The following DYRK1B variants were observed in gnomAD, a reference collection of about 807,000 sequenced individuals.
DYRK1B encodes dual specificity tyrosine phosphorylation regulated kinase 1B.
DYRK1B carries 20 observed loss-of-function variants against 57.1 expected under a neutral mutation model. The ratio of observed to expected loss-of-function variants is 0.35; its 90% CI spans 0.25 to 0.51. DYRK1B has a LOEUF of 0.51. Among genes scored for constraint, DYRK1B ranks in the 20% least tolerant of loss-of-function variants. The pLI, the probability that DYRK1B is intolerant of heterozygous loss-of-function variation, is 0.96. For synonymous variants in DYRK1B, 409 were observed against 384.7 expected (o/e 1.06, Z -0.74); for missense variants, 732 against 886.3 (o/e 0.83, Z 2.21).
Position 39,826,530 on chromosome 19 carries a change from C to A in DYRK1B, c.1411+142G>T. On this transcript the variant is annotated intron_variant, in intron 9 of 10. Coordinates refer to ENST00000323039, the MANE Select transcript of DYRK1B (RefSeq NM_004714.3). The surrounding 1 kb of genome is among the most constrained non-coding windows in gnomAD (Gnocchi z 6.3). ...GTGATTGTGTCAGGGCCAGTTGGAG[C>A]TCTCCCATCCCACACGTCATCTTAC... 3 of 1,035,378 alleles carry A rather than the reference C, an allele frequency of 2.9e-6. No individual in the cohort carries two copies. The South Asian group carries it at 5.4e-5, about 19-fold the overall frequency. 64.1% of individuals were successfully genotyped at this position (1,035,378 alleles called of 1,614,324 possible). A position where few individuals can be genotyped will look rare whatever the true frequency, so the allele number is the denominator to read the frequency against.
In DYRK1B at chr19:39,826,852, T is replaced by A; in HGVS notation, c.1231A>T (p.Met411Leu). 6.8e-7 allele frequency: 1 copy of A among 1,461,186 alleles called. No individual in the cohort carries two copies. Among genetic ancestry groups the A allele is most frequent in the Non-Finnish European group, 9.0e-7 (1 of 1,109,946 alleles). The allele number at this position is 1,461,186 out of a possible 1,614,324, so 90.5% of individuals were successfully genotyped here. The change falls in exon 9 of 11, where the codon ATG becomes TTG. Residue 411 changes from methionine to leucine, a missense_variant. Physicochemically the swap from Met to Leu is conservative, Grantham distance 15. Transcript: ENST00000323039. This position sits in a 1 kb window ranked among gnomAD's most constrained non-coding sequence, Gnocchi z 6.3. ...YLRFQDLVLR[M>L]LEYEPAARIS... ...CGGGCGGCGGGCTCATACTCCAGCATGCGCAGCACCAGGTCCTGGAAGCGG... is the reference window on the plus strand; with the variant it reads ...CGGGCGGCGGGCTCATACTCCAGCAAGCGCAGCACCAGGTCCTGGAAGCGG...
rs1401565925 is a variant in DYRK1B, at chr19:39,828,294, T to G, written c.807+3A>C. 6.2e-7 allele frequency: 1 copy of G among 1,611,924 alleles called. No homozygotes were observed. On this transcript the variant is annotated splice_donor_region_variant and intron_variant, in intron 6 of 10. Transcript: ENST00000323039. The surrounding 1 kb of genome is among the most constrained non-coding windows in gnomAD (Gnocchi z 4.3). Reference sequence around the variant, plus strand: ...GTGCTCCCAGGACCGGGCCGCCCCCTACCCTCTGGCCAAGCTGGCAGGAGC... The same window carrying G: ...GTGCTCCCAGGACCGGGCCGCCCCCGACCCTCTGGCCAAGCTGGCAGGAGC...
chr19:39,827,368 C>T lies in DYRK1B; in HGVS notation c.1012G>A (p.Asp338Asn). Reference protein sequence around the residue: ...VLGIPPAAMLDQAPKARKYFE... With the variant: ...VLGIPPAAMLNQAPKARKYFE... The stretch of plus-strand genomic sequence containing the variant: ...TACTTGCGAGCCTTGGGCGCCTGGT[C>T]CAGCATGGCGGCCGGTGGGATGCCC... The change falls in exon 8 of 11, where the codon GAC (aspartate) becomes AAC (asparagine). Residue 338 changes from aspartate (D) to asparagine (N), a missense_variant. Physicochemically the swap from Asp to Asn is conservative, Grantham distance 23. Coordinates refer to ENST00000323039, the MANE Select transcript of DYRK1B (RefSeq NM_004714.3). The T allele has an allele frequency of 6.2e-7, 1 of 1,613,822 alleles. No individual in the cohort carries two copies. Among genetic ancestry groups the T allele is most frequent in the Non-Finnish European group, 8.5e-7 (1 of 1,179,776 alleles).
In DYRK1B at chr19:39,830,387, G is replaced by A. The variant is rs780909848; in HGVS notation, c.360C>T (p.Gly120=). The change falls in exon 4 of 11, where the codon GGC becomes GGT. Residue 120 remains glycine (G), a synonymous_variant. Coordinates refer to ENST00000323039, the MANE Select transcript of DYRK1B (RefSeq NM_004714.3). ...RYEIDSLIGK[G]SFGQVVKAYD... Reference sequence around the variant, plus strand: ...GGGTGTCCCACACCTGGCCAAAGGAGCCTTTGCCAATGAGCGAGTCAATTT... The same window carrying A: ...GGGTGTCCCACACCTGGCCAAAGGAACCTTTGCCAATGAGCGAGTCAATTT... 1 of 1,613,992 alleles carries A rather than the reference G, an allele frequency of 6.2e-7. No homozygotes were observed.
rs773325905 is a variant in DYRK1B at position 39,826,318 on chromosome 19, C to G, written c.1412-32G>C. On this transcript the variant is annotated intron_variant, in intron 9 of 10. Transcript: ENST00000323039. The surrounding 1 kb of genome is among the most constrained non-coding windows in gnomAD (Gnocchi z 6.3). ...GTGCCAGGGAGGAGAGGTGAAGGGG[C>G]ATAAGGTGAGAGAAGGTGGCGAGTG... The G allele has an allele frequency of 1.3e-6, 2 of 1,515,496 alleles. No individual in the cohort carries two copies. The highest frequency in any genetic ancestry group is 2.8e-5 in the African/African-American group (2 of 70,984). The allele number at this position is 1,515,496 out of a possible 1,614,324, so 93.9% of individuals were successfully genotyped here. A position where few individuals can be genotyped will look rare whatever the true frequency, so the allele number is the denominator to read the frequency against.
Position 39,826,581 on chromosome 19 carries a change from G to A in DYRK1B, c.1411+91C>T. 1.5e-6 allele frequency: 2 copies of A among 1,359,358 alleles called. No homozygotes were observed. The highest frequency in any genetic ancestry group is 1.9e-6 in the Non-Finnish European group (2 of 1,027,142). The allele number at this position is 1,359,358 out of a possible 1,614,324, so 84.2% of individuals were successfully genotyped here. On this transcript the variant is annotated intron_variant, in intron 9 of 10. Coordinates refer to ENST00000323039, the MANE Select transcript of DYRK1B (RefSeq NM_004714.3). The surrounding 1 kb of genome is among the most constrained non-coding windows in gnomAD (Gnocchi z 6.3). ...AGTTCAGGATCAGTTTCGGCGCTTTGTGTGAAGACCCAGTAACCAGGTCCC... is the reference window on the plus strand; with the variant it reads ...AGTTCAGGATCAGTTTCGGCGCTTTATGTGAAGACCCAGTAACCAGGTCCC...
rs377036516 is a variant in DYRK1B, at chr19:39,828,513, C to A, written c.591G>T (p.Leu197=). The A allele has an allele frequency of 6.2e-7, 1 of 1,613,710 alleles. No homozygotes were observed. Among genetic ancestry groups the A allele is most frequent in the Non-Finnish European group, 8.5e-7 (1 of 1,179,880 alleles). The change falls in exon 6 of 11, where the codon CTG becomes CTT. Residue 197 remains leucine, a synonymous_variant. Coordinates refer to ENST00000323039, the MANE Select transcript of DYRK1B (RefSeq NM_004714.3). The surrounding 1 kb of genome is among the most constrained non-coding windows in gnomAD (Gnocchi z 4.3). ...CLVFELLSYN[L]YDLLRNTHFR... ...AGTGGGTGTTGCGCAGGAGGTCGTA[C>A]AGGTTGTAGGACAGCAGCTCAAATA...
At position 39,825,908 on chromosome 19, in the gene DYRK1B, A is replaced by C; in HGVS notation, c.1697T>G (p.Val566Gly). 1 of 1,567,648 alleles carries C rather than the reference A, an allele frequency of 6.4e-7. No individual in the cohort carries two copies. The highest frequency in any genetic ancestry group is 8.6e-7 in the Non-Finnish European group (1 of 1,157,930). Residue 566 changes from valine to glycine, a missense_variant, in exon 11 of 11, where the codon GTG (valine) becomes GGG (glycine). Around this residue, in one of 2 missense-constraint regions of DYRK1B, gnomAD observed 222 missense variants for 205.0 expected, o/e 1.08. Transcript: ENST00000323039. ...GTCAGCAGGGCCGCCCACCAGGCTC[A>C]CATCCATCAGCTCCGGGGGTGGTGG... ...TSPPPPELMD[V>G]SLVGGPADCS...
At position 39,826,141 on chromosome 19, in the gene DYRK1B, C is replaced by G. The variant is rs1416541058; in HGVS notation, c.1518+39G>C. 1.3e-6 allele frequency: 2 copies of G among 1,582,856 alleles called. No individual in the cohort carries two copies. Among genetic ancestry groups the G allele is most frequent in the African/African-American group, 1.4e-5 (1 of 73,048 alleles). On this transcript the variant is annotated intron_variant, in intron 10 of 10. Transcript: ENST00000323039. The surrounding 1 kb of genome is among the most constrained non-coding windows in gnomAD (Gnocchi z 6.3). Reference sequence around the variant, plus strand: ...GAGACCCTGGTCTCTAAGCCCCAGGCACCACCACCCACCTCCAAAGCCCCC... The same window carrying G: ...GAGACCCTGGTCTCTAAGCCCCAGGGACCACCACCCACCTCCAAAGCCCCC...
intron 1 of DYRK1B, chr19:39,833,257 C>A: frequency 1.0e-6 from 1 of 985,476 alleles, no homozygotes; most frequent in Non-Finnish European, 1.2e-6. Flanking sequence ...TCCCAGCCCC[C>A]ACCCCCTACC....
rs1490080092 is a variant in DYRK1B, at chr19:39,825,518, G to A, written c.*197C>T. On this transcript the variant is annotated 3_prime_UTR_variant, in exon 11 of 11. Coordinates refer to ENST00000323039, the MANE Select transcript of DYRK1B (RefSeq NM_004714.3). ...AAAAAAGGGGGAGAGGGGCCCAAGGGTCCAGTCCTTAGTGGGGAGGGAGCG... is the reference window on the plus strand; with the variant it reads ...AAAAAAGGGGGAGAGGGGCCCAAGGATCCAGTCCTTAGTGGGGAGGGAGCG... 3 of 602,084 alleles carry A rather than the reference G, an allele frequency of 5.0e-6. No homozygotes were observed. Among genetic ancestry groups the A allele is most frequent in the Non-Finnish European group, 8.7e-6 (3 of 342,924 alleles). The allele number at this position is 602,084 out of a possible 1,614,324, so 37.3% of individuals were successfully genotyped here. A position where few individuals can be genotyped will look rare whatever the true frequency, so the allele number is the denominator to read the frequency against.
At chr19:39,830,290 C>T in intron 4 of DYRK1B, 85 bp downstream of exon 4, 2 of 1,549,058 alleles carry the variant, frequency 1.3e-6, no homozygotes, top group South Asian at 1.1e-5. Flanking sequence ...AGTGGCCCAG[C>T]ATGGGACTTG....
rs777577135 is a variant in DYRK1B, at chr19:39,829,756, G to C, written c.520+124C>G. On this transcript the variant is annotated intron_variant, in intron 5 of 10. Transcript: ENST00000323039. ...GAATCACTGATGTCAGAGAAGCACA[G>C]ACCAAACCCTGCTCTGAAGACATCA... is the stretch of plus-strand genomic sequence containing the variant. 8.8e-7 allele frequency: 1 copy of C among 1,142,750 alleles called. No homozygotes were observed. Among genetic ancestry groups the C allele is most frequent in the African/African-American group, 1.6e-5 (1 of 64,102 alleles). 70.8% of individuals were successfully genotyped at this position (1,142,750 alleles called of 1,614,324 possible).
rs372526996 is a variant in DYRK1B at position 39,827,373 on chromosome 19, A to G, written c.1007T>C (p.Met336Thr). The change falls in exon 8 of 11, where the codon ATG becomes ACG. Residue 336 changes from methionine (M) to threonine (T), a missense_variant. Physicochemically the swap from Met to Thr is moderately conservative, Grantham distance 81. Coordinates refer to ENST00000323039, the MANE Select transcript of DYRK1B (RefSeq NM_004714.3). The part of the protein sequence containing the change: ...VEVLGIPPAA[M>T]LDQAPKARKY... ...GCGAGCCTTGGGCGCCTGGTCCAGC[A>G]TGGCGGCCGGTGGGATGCCCAGCAC... 2 of 1,613,724 alleles carry G rather than the reference A, an allele frequency of 1.2e-6. No individual in the cohort carries two copies. Among genetic ancestry groups the G allele is most frequent in the Non-Finnish European group, 8.5e-7 (1 of 1,179,738 alleles).
chr19:39,831,662 C>A, intron 2 of DYRK1B, 143 bp downstream of exon 2: 1 of 1,083,432 alleles, frequency 9.2e-7, no homozygotes, highest in Non-Finnish European at 1.3e-6. Context: ...CTGAAAACTC[C>A]TCTGTTATTT....
In DYRK1B at chr19:39,833,380, G is replaced by A. The variant is rs1319014646; in HGVS notation, c.-102+643C>T. ...GGCGGCGCTGAAAAGGCGACCGCCT[G>A]TCTCTGGCCCGGCCGGCCCCGCGGC... On this transcript the variant is annotated intron_variant, in intron 1 of 10. Transcript: ENST00000323039. 9.1e-6 allele frequency: 9 copies of A among 984,146 alleles called. No individual in the cohort carries two copies. The African/African-American group carries it at 1.4e-4, about 15-fold the overall frequency. 61.0% of individuals were successfully genotyped at this position (984,146 alleles called of 1,614,324 possible).
In DYRK1B at chr19:39,826,096, C is replaced by G. The variant is rs958269916; in HGVS notation, c.1519-10G>C. On this transcript the variant is annotated splice_polypyrimidine_tract_variant and intron_variant, in intron 10 of 10. Coordinates refer to ENST00000323039, the MANE Select transcript of DYRK1B (RefSeq NM_004714.3). This position sits in a 1 kb window ranked among gnomAD's most constrained non-coding sequence, Gnocchi z 6.3. ...GCTGGGAGGGTGGGACCTAAAAAAG[C>G]AAAGGAGCCATGGGTGATGGAGACC... 1.4e-5 allele frequency: 22 copies of G among 1,529,498 alleles called. No individual in the cohort carries two copies. Among genetic ancestry groups the G allele is most frequent in the East Asian group, 2.3e-5 (1 of 44,004 alleles). The allele number at this position is 1,529,498 out of a possible 1,614,324, so 94.7% of individuals were successfully genotyped here.
At position 39,826,992 on chromosome 19, in the gene DYRK1B, C is replaced by T. The variant is rs1272139204; in HGVS notation, c.1096-5G>A. 4 of 362,294 alleles carry T rather than the reference C, an allele frequency of 1.1e-5. No homozygotes were observed. The highest frequency in any genetic ancestry group is 6.8e-5 in the African/African-American group (1 of 14,632). The allele number at this position is 362,294 out of a possible 1,614,324, so 22.4% of individuals were successfully genotyped here. A position where few individuals can be genotyped will look rare whatever the true frequency, so the allele number is the denominator to read the frequency against. On this transcript the variant is annotated splice_region_variant and splice_polypyrimidine_tract_variant and intron_variant, in intron 8 of 10. Coordinates refer to ENST00000323039, the MANE Select transcript of DYRK1B (RefSeq NM_004714.3). This position sits in a 1 kb window ranked among gnomAD's most constrained non-coding sequence, Gnocchi z 6.3. ...TGTCCCGGGGCCCTGGTAATCCTGG[C>T]AGGGAGGGGGTGGGAGGGGGGGCAA...
Position 39,834,032 on chromosome 19 carries a change from C to G in DYRK1B, c.-111G>C, listed in dbSNP as rs1968960307. ...GTCCCCGCGCCGTTACCTGAAGGAGCGGGCAAGGGGACTCAAACTGCTCGG... is the reference window on the plus strand; with the variant it reads ...GTCCCCGCGCCGTTACCTGAAGGAGGGGGCAAGGGGACTCAAACTGCTCGG... On this transcript the variant is annotated 5_prime_UTR_variant, in exon 1 of 11. Transcript: ENST00000323039. 1 of 156,476 alleles carries G rather than the reference C, an allele frequency of 6.4e-6. No homozygotes were observed. The highest frequency in any genetic ancestry group is 6.4e-5 in the Admixed American group (1 of 15,638). 9.7% of individuals were successfully genotyped at this position (156,476 alleles called of 1,614,324 possible). A position where few individuals can be genotyped will look rare whatever the true frequency, so the allele number is the denominator to read the frequency against.
Sources: allele counts gnomAD v4.1 joint callset, GRCh38; gene constraint gnomAD v4.1.1; regional missense constraint gnomAD v4.1.1; non-coding constraint Gnocchi (gnomAD v3.1); transcripts MANE v1.5; gene names NCBI Gene and HGNC (gene_info 2026-07-23, HGNC 2026-07-21).